UNC13C: variants seen among roughly 807,000 people sequenced by gnomAD.
UNC13C encodes unc-13 homolog C.
In UNC13C, 174 loss-of-function variants were observed where a neutral mutation model predicts 245.4. The observed-to-expected ratio is 0.71, with a 90% CI of 0.63 to 0.80. The LOEUF is 0.80. UNC13C is among the 30% of genes least tolerant of loss of function. The pLI is 0.00. For missense variants in UNC13C, 2,829 were observed against 2,602.9 expected (o/e 1.09, Z -1.89); for synonymous variants, 992 against 895.1 (o/e 1.11, Z -1.93).
chr15:54,327,792 G>A (rs1290661132), intron 14 of UNC13C, among the ~76,000 whole-genome samples: 2 of 152,024 alleles, frequency 1.3e-5, no homozygotes, highest in African/African-American at 4.8e-5. Context: ...TTACAGGCAT[G>A]GAAGTTAGGG....
In UNC13C at chr15:54,016,098, A is replaced by T. The variant is rs1362176243; in HGVS notation, c.2983+212A>T. The stretch of plus-strand genomic sequence containing the variant: ...AATCAAAGAATATGTTAAATGGGTC[A>T]TATTGGAATGAGCCCAAACTTAACC... On this transcript the variant is annotated intron_variant, in intron 2 of 32. Transcript: ENST00000260323. Among the ~76,000 whole-genome samples, 3 of 152,226 alleles carry T rather than the reference A, an allele frequency of 2.0e-5. No individual in the cohort carries two copies. In the East Asian group the frequency reaches 5.8e-4, roughly 29 times the overall value.
intron 8 of UNC13C, among the ~76,000 whole-genome samples, chr15:54,259,167 A>T (rs1244848993): frequency 6.6e-6 from 1 of 152,230 alleles, no homozygotes; most frequent in Non-Finnish European, 1.5e-5. Context: ...TCATCTTTTA[A>T]CATTATCACA....
chr15:54,589,590 C>A (rs1228727331), intron 30 of UNC13C, among the ~76,000 whole-genome samples: 1 of 152,122 alleles, frequency 6.6e-6, no homozygotes, highest in Admixed American at 6.5e-5. Flanking sequence ...AGCCACCGCG[C>A]CCAGCCAGCC....
chr15:54,343,916 ATCTGATGGGAT>A (rs2038798515), intron 17 of UNC13C, among the ~76,000 whole-genome samples: 1 of 152,176 alleles, frequency 6.6e-6, no homozygotes, highest in South Asian at 2.1e-4. Flanking sequence ...TGGCTAACAG[ATCTGATGGGAT>A]TCTTGCTGAA....
chr15:54,283,708 ATATGTGTGTG>A (rs1164288427), intron 10 of UNC13C, among the ~76,000 whole-genome samples: 1 of 68,702 alleles, frequency 1.5e-5, no homozygotes, highest in Admixed American at 1.8e-4. Flanking sequence ...GTGTATATAT[ATATGTGTGTG>A]TGTGTGTGTG....
chr15:54,029,335 A>G (rs1407696116), intron 2 of UNC13C, among the ~76,000 whole-genome samples: 1 of 152,180 alleles, frequency 6.6e-6, no homozygotes, highest in Non-Finnish European at 1.5e-5. Context: ...AGTGTGATGA[A>G]CTCAAGATTA....
chr15:54,188,904 T>A (rs2034086243), intron 4 of UNC13C, among the ~76,000 whole-genome samples: 1 of 152,194 alleles, frequency 6.6e-6, no homozygotes, highest in East Asian at 1.9e-4. Context: ...AGAAATGCAA[T>A]CTTACTCTTC....
At chr15:54,310,131 A>G (rs1326481528) in intron 13 of UNC13C, among the ~76,000 whole-genome samples, 1 of 151,686 alleles carries the variant, frequency 6.6e-6, no homozygotes, top group Non-Finnish European at 1.5e-5. Context: ...TTTTTGAAGA[A>G]GTGGTTTGCA....
intron 14 of UNC13C, 77 bp from the exon 15 acceptor site, chr15:54,331,966 C>G: frequency 3.2e-6 from 3 of 929,486 alleles, no homozygotes; most frequent in Non-Finnish European, 4.7e-6. Context: ...AAAATAGAGA[C>G]AAAACTCAGA....
chr15:54,500,656 T>C (rs565370967), intron 21 of UNC13C, among the ~76,000 whole-genome samples, 179 bp from the exon 22 acceptor site: 3 of 152,254 alleles, frequency 2.0e-5, no homozygotes, highest in African/African-American at 7.2e-5. Flanking sequence ...CCCATGATAT[T>C]AGTTCCACCA....
At chr15:54,102,978 A>G (rs929678009) in intron 2 of UNC13C, among the ~76,000 whole-genome samples, 1 of 152,218 alleles carries the variant, frequency 6.6e-6, no homozygotes, top group African/African-American at 2.4e-5. Flanking sequence ...TGGCTGTCGT[A>G]GGTTAATACT....
Position 54,013,138 on chromosome 15 carries a change from GA to G in UNC13C, c.237del (p.Asp80ThrfsTer17), listed in dbSNP as rs1418971685. 3 of 1,613,754 alleles carry G rather than the reference GA, an allele frequency of 1.9e-6. No individual in the cohort carries two copies. In the East Asian group the frequency reaches 6.7e-5, roughly 36 times the overall value. On this transcript the variant is annotated frameshift_variant, in exon 2 of 33. Coordinates refer to ENST00000260323, the MANE Select transcript of UNC13C (RefSeq NM_001080534.3). LOFTEE classifies it high-confidence loss of function. ...CSSTHNLSTEEDEASKEFSLS... is the reference protein window; with the variant it reads ...CSSTHNLSTEXDEASKEFSLS... Reference sequence around the variant, plus strand: ...ATCCACTCACAACTTATCCACTGAGGAAGACGAGGCCAGTAAAGAGTTTTCC... The same window carrying G: ...ATCCACTCACAACTTATCCACTGAGGAGACGAGGCCAGTAAAGAGTTTTCC...
intron 24 of UNC13C, among the ~76,000 whole-genome samples, chr15:54,513,504 T>C (rs1389120638): frequency 6.6e-6 from 1 of 152,188 alleles, no homozygotes; most frequent in African/African-American, 2.4e-5. Flanking sequence ...TAAAGTGGCT[T>C]GTTCACCAAT....
At chr15:54,084,489 T>C (rs376532075) in intron 2 of UNC13C, among the ~76,000 whole-genome samples, 1 of 152,240 alleles carries the variant, frequency 6.6e-6, no homozygotes, top group East Asian at 1.9e-4. Flanking sequence ...TGAATTATTT[T>C]CCACGTAATT....
Position 54,322,073 on chromosome 15 carries a change from G to T in UNC13C, c.4403G>T (p.Arg1468Leu), listed in dbSNP as rs202079449. Residue 1468 changes from arginine to leucine, a missense_variant, in exon 14 of 33, where the codon CGA becomes CTA. Coordinates refer to ENST00000260323, the MANE Select transcript of UNC13C (RefSeq NM_001080534.3). ...AACATACAGGTTTCTGCCTCAGATCGATTTGCTGCTACCAACTTTGGTGTA... is the reference window on the plus strand; with the variant it reads ...AACATACAGGTTTCTGCCTCAGATCTATTTGCTGCTACCAACTTTGGTGTA... ...STNIQVSASD[R>L]FAATNFGREK... is the part of the protein sequence containing the mutation. 1.4e-4 allele frequency: 221 copies of T among 1,580,608 alleles called. No individual in the cohort carries two copies. In the East Asian group the frequency reaches 4.1e-3, roughly 29 times the overall value.
intron 19 of UNC13C, among the ~76,000 whole-genome samples, chr15:54,455,231 A>ATATATATATATG (rs1891440972): frequency 1.1e-5 from 1 of 95,200 alleles, no homozygotes; most frequent in African/African-American, 3.6e-5. Flanking sequence ...ATATATATAT[A>ATATATATATATG]TATATATGTT....
intron 26 of UNC13C, among the ~76,000 whole-genome samples, chr15:54,538,124 A>G (rs1896066293): frequency 7.2e-6 from 1 of 139,148 alleles, no homozygotes; most frequent in Admixed American, 7.4e-5. Context: ...GCTTAAATAC[A>G]TTAACAAGCA....
Position 54,403,699 on chromosome 15 carries a change from G to A in UNC13C, c.4847+10518G>A, listed in dbSNP as rs371114932. ...ACTCTGAGCAATAGACTGAGCAACA[G>A]AGTGAGAACCTGTCTCAAAAAAAAA... On this transcript the variant is annotated intron_variant, in intron 18 of 32. Transcript: ENST00000260323. Among the ~76,000 whole-genome samples the A allele has an allele frequency of 7.7e-4, 86 of 111,420 alleles. 2 individuals carry two copies. The Middle Eastern group carries it at 0.025, about 32-fold the overall frequency. 73.1% of individuals were successfully genotyped at this position (111,420 alleles called of 152,430 possible). A position where few individuals can be genotyped will look rare whatever the true frequency, so the allele number is the denominator to read the frequency against.
At chr15:54,125,680 T>C (rs1421442570) in intron 2 of UNC13C, among the ~76,000 whole-genome samples, 1 of 152,218 alleles carries the variant, frequency 6.6e-6, no homozygotes, top group Non-Finnish European at 1.5e-5. Flanking sequence ...TGTATTTGTT[T>C]ATTTTTCCTT....
Sources: allele counts gnomAD v4.1 joint callset (sites outside exome capture counted in the v4.1 genomes callset), GRCh38; gene constraint gnomAD v4.1.1; transcripts MANE v1.5; gene names NCBI Gene and HGNC (gene_info 2026-07-23, HGNC 2026-07-21).